The following ZNF723 variants were observed in gnomAD, a reference collection of about 807,000 sequenced individuals.
The protein encoded by ZNF723 is zinc finger protein 723, pseudogene.
Under a neutral mutation model 9.4 loss-of-function variants are expected in ZNF723, and 5 were observed. The ratio of observed to expected loss-of-function variants is 0.53; its 90% CI spans 0.28 to 1.12. The LOEUF is 1.12. Ranked by LOEUF, ZNF723 falls within the 50% of genes most tolerant of loss-of-function variation. ZNF723 has a pLI of 0.10. For synonymous variants in ZNF723, 158 were observed against 168.8 expected, an observed-to-expected ratio of 0.94 and a Z score of 0.49; for missense variants, 450 against 501.5, an observed-to-expected ratio of 0.90 and a Z score of 0.98.
At chr19:22,839,913 C>A (rs1036839106) in intron 1 of ZNF723, among the ~76,000 whole-genome samples, 3 of 152,084 alleles carry the variant, frequency 2.0e-5, no homozygotes, top group African/African-American at 2.4e-5. Flanking sequence ...ACACGTATGC[C>A]TCCTTTTGAA....
At chr19:22,856,030 G>A (rs139213173) in intron 3 of ZNF723, among the ~76,000 whole-genome samples, 1 of 152,140 alleles carries the variant, frequency 6.6e-6, no homozygotes, top group East Asian at 1.9e-4. Context: ...CGTGGTCTTG[G>A]CTCACTGCAA....
intron 1 of ZNF723, among the ~76,000 whole-genome samples, chr19:22,847,200 C>T (rs1568406421): frequency 6.6e-6 from 1 of 151,846 alleles, no homozygotes; most frequent in Admixed American, 6.6e-5. Flanking sequence ...CTCAGCCTTG[C>T]AAGTTGCTGG....
intron 3 of ZNF723, among the ~76,000 whole-genome samples, chr19:22,849,674 C>T (rs371109863): frequency 2.6e-5 from 4 of 152,200 alleles, no homozygotes; most frequent in East Asian, 1.9e-4. Context: ...TTTGGGAGGC[C>T]GAGGCGGGTG....
the ZNF723 span, among the ~76,000 whole-genome samples, chr19:22,822,493 G>T: frequency 7.7e-3 from 1,169 of 152,308 alleles, 14 homozygotes; most frequent in African/African-American, 0.027. Context: ...ACAGAAGATT[G>T]TAAAACTCAT....
intron 1 of ZNF723, among the ~76,000 whole-genome samples, chr19:22,838,458 A>C (rs1458247713): frequency 1.3e-5 from 2 of 152,066 alleles, no homozygotes; most frequent in African/African-American, 4.8e-5. Flanking sequence ...AGGCTGAGGC[A>C]GGAGAATTGC....
intron 1 of ZNF723, 147 bp from the exon 2 acceptor site, chr19:22,848,114 A>T (rs1358805779): frequency 1.5e-5 from 6 of 394,090 alleles, no homozygotes; most frequent in African/African-American, 1.3e-4. Context: ...AAAAAAAAAA[A>T]AAAAAAATTA....
At chr19:22,822,947 T>C in the ZNF723 span, among the ~76,000 whole-genome samples, 1 of 152,172 alleles carries the variant, frequency 6.6e-6, no homozygotes, top group East Asian at 1.9e-4. Flanking sequence ...AGACTTCTGG[T>C]TTGGTCCTAA....
the ZNF723 span, among the ~76,000 whole-genome samples, chr19:22,815,757 GGAT>G: frequency 6.6e-6 from 1 of 152,134 alleles, no homozygotes; most frequent in East Asian, 1.9e-4. Flanking sequence ...AGGCCATAAA[GGAT>G]TACTGTTCTT....
Position 22,848,253 on chromosome 19 carries a change from T to A in ZNF723, c.4-8T>A. 2 of 1,048,980 alleles carry A rather than the reference T, an allele frequency of 1.9e-6. No individual in the cohort carries two copies. The allele number at this position is 1,048,980 out of a possible 1,614,324, so 65.0% of individuals were successfully genotyped here. A position where few individuals can be genotyped will look rare whatever the true frequency, so the allele number is the denominator to read the frequency against. ...ATGTGTGTATGTGTGTGTGTGTTTT[T>A]TTTTCAGGGACCATTGACATTCACA... On this transcript the variant is annotated splice_region_variant and splice_polypyrimidine_tract_variant and intron_variant, in intron 1 of 3. Coordinates refer to ENST00000600766, the MANE Select transcript of ZNF723 (RefSeq NM_001349726.2).
chr19:22,831,997 T>C (rs1967103391), upstream of ZNF723, among the ~76,000 whole-genome samples: 1 of 152,238 alleles, frequency 6.6e-6, no homozygotes, highest in African/African-American at 2.4e-5. Context: ...AATTTTAAAA[T>C]AGCTGTTATT....
At position 22,848,264 on chromosome 19, in the gene ZNF723, C is replaced by T; in HGVS notation, c.7C>T (p.Pro3Ser). MG[P>S]LTFTDVAIKF... ...TGTGTGTGTGTTTTTTTTTCAGGGA[C>T]CATTGACATTCACAGATGTGGCAAT... Residue 3 changes from proline (P) to serine (S), a missense_variant, in exon 2 of 4, where the codon CCA (proline) becomes TCA (serine). By Grantham distance (74) the Pro-to-Ser change is moderately conservative. Around this residue, in one of 5 missense-constraint regions of ZNF723, gnomAD observed 19 missense variants for 20.1 expected, o/e 0.95. Coordinates refer to ENST00000600766, the MANE Select transcript of ZNF723 (RefSeq NM_001349726.2). 1 of 1,084,916 alleles carries T rather than the reference C, an allele frequency of 9.2e-7. No individual in the cohort carries two copies. The highest frequency in any genetic ancestry group is 1.6e-5 in the African/African-American group (1 of 62,520). The allele number at this position is 1,084,916 out of a possible 1,614,324, so 67.2% of individuals were successfully genotyped here. A position where few individuals can be genotyped will look rare whatever the true frequency, so the allele number is the denominator to read the frequency against.
chr19:22,814,926 A>G, the ZNF723 span, among the ~76,000 whole-genome samples: 2 of 152,074 alleles, frequency 1.3e-5, no homozygotes, highest in Non-Finnish European at 2.9e-5. Context: ...TCTGCCCAAG[A>G]ACAGATTGTG....
At chr19:22,843,011 A>G (rs1372083232) in intron 1 of ZNF723, among the ~76,000 whole-genome samples, 1 of 152,218 alleles carries the variant, frequency 6.6e-6, no homozygotes, top group East Asian at 1.9e-4. Flanking sequence ...AGAATACGTA[A>G]GTGTGAACAA....
At chr19:22,837,421 ACT>A (rs1967180906) in intron 1 of ZNF723, among the ~76,000 whole-genome samples, 1 of 152,080 alleles carries the variant, frequency 6.6e-6, no homozygotes, top group Admixed American at 6.6e-5. Context: ...GTCTGTGCTG[ACT>A]CTGGGTGGTT....
the ZNF723 span, among the ~76,000 whole-genome samples, chr19:22,817,409 A>G: frequency 6.6e-6 from 1 of 152,062 alleles, no homozygotes; most frequent in Non-Finnish European, 1.5e-5. Flanking sequence ...TGAATTCATT[A>G]TGTATGAGAT....
chr19:22,826,612 A>C, the ZNF723 span, among the ~76,000 whole-genome samples: 1 of 152,180 alleles, frequency 6.6e-6, no homozygotes. Flanking sequence ...TGACTCATGA[A>C]CACAGTTCAC....
intron 3 of ZNF723, among the ~76,000 whole-genome samples, chr19:22,852,744 T>TA (rs1204149018): frequency 1.3e-5 from 2 of 152,182 alleles, no homozygotes; most frequent in African/African-American, 4.8e-5. Context: ...TTGACAATGC[T>TA]ATGCAACATA....
At chr19:22,844,844 C>T (rs1325293057) in intron 1 of ZNF723, among the ~76,000 whole-genome samples, 1 of 152,100 alleles carries the variant, frequency 6.6e-6, no homozygotes, top group Non-Finnish European at 1.5e-5. Flanking sequence ...CATTCATGGC[C>T]GGCGTGGTGG....
At chr19:22,848,234 G>C (rs1967341036) in intron 1 of ZNF723, 27 bp from the exon 2 acceptor site, 1 of 884,136 alleles carries the variant, frequency 1.1e-6, no homozygotes, top group Non-Finnish European at 1.8e-6. Flanking sequence ...AAATATGTGT[G>C]TATGTGTGTG....
Sources: gnomAD v4.1 joint callset for allele counts (sites outside exome capture counted in the v4.1 genomes callset) on GRCh38, gnomAD v4.1.1 for gene constraint, gnomAD v4.1.1 regional missense constraint, MANE v1.5 for transcripts, NCBI Gene and HGNC (gene_info 2026-07-23, HGNC 2026-07-21) for gene names.